Variants in VWA3B observed in about 807,000 individuals in gnomAD.
VWA3B encodes the protein von Willebrand factor A domain containing 3B.
In VWA3B, 138 loss-of-function variants were observed where a neutral mutation model predicts 158.3. The ratio of observed to expected loss-of-function variants is 0.87; its 90% confidence interval spans 0.76 to 1.00. VWA3B has a LOEUF of 1.00. VWA3B is among the 50% of genes least tolerant of loss of function. The probability of loss-of-function intolerance (pLI) is 0.00; values close to 1 mark genes in which losing one functional copy is unlikely to be tolerated. For synonymous variants in VWA3B, 596 were observed against 587.3 expected (o/e 1.01, Z -0.21); for missense variants, 1,555 against 1,565.1 (o/e 0.99, Z 0.11).
intron 7 of VWA3B, among the ~76,000 whole-genome samples, chr2:98,161,163 A>G (rs1221306573): frequency 6.6e-6 from 1 of 152,156 alleles, no homozygotes; most frequent in Non-Finnish European, 1.5e-5. Flanking sequence ...AGTGGGAGGA[A>G]GGGGCTTTTC....
chr2:98,275,429 G>C (rs1006812339), intron 22 of VWA3B, among the ~76,000 whole-genome samples: 2 of 152,130 alleles, frequency 1.3e-5, no homozygotes, highest in Admixed American at 6.5e-5. Flanking sequence ...AGGAGGAGGA[G>C]AGAGTAGAAG....
At chr2:98,287,492 T>C (rs1558763610) in intron 22 of VWA3B, among the ~76,000 whole-genome samples, 1 of 152,200 alleles carries the variant, frequency 6.6e-6, no homozygotes, top group Admixed American at 6.5e-5. Context: ...CTATTCTGGA[T>C]GATGGAATGA....
the VWA3B span, among the ~76,000 whole-genome samples, chr2:98,330,222 C>T: frequency 2.0e-5 from 3 of 152,248 alleles, 1 homozygote; most frequent in Admixed American, 1.3e-4. Flanking sequence ...ATTTCCAGCC[C>T]CCAGCCTCCA....
chr2:98,195,455 GAA>G (rs1249376885), intron 12 of VWA3B, among the ~76,000 whole-genome samples: 30 of 152,150 alleles, frequency 2.0e-4, no homozygotes, highest in South Asian at 4.1e-4. Context: ...TGTTCTATAA[GAA>G]ATAATAATGC....
At position 98,215,808 on chromosome 2, in the gene VWA3B, G is replaced by A. The variant is rs182302342; in HGVS notation, c.1837-2038G>A. Among the ~76,000 whole-genome samples, 432 of 152,224 alleles carry A rather than the reference G, an allele frequency of 2.8e-3. 5 individuals carry two copies. Among genetic ancestry groups the A allele is most frequent in the South Asian group, 0.013 (63 of 4,818 alleles). On this transcript the variant is annotated intron_variant, in intron 13 of 27. Transcript: ENST00000477737. ...TGGGATTAAAGGTGTGAGCCACCGC[G>A]CCCAGCCAATTTAGAAACTCTTGAG...
chr2:98,158,179 TAAA>T (rs1171528927), intron 7 of VWA3B, among the ~76,000 whole-genome samples: 1 of 151,132 alleles, frequency 6.6e-6, no homozygotes, highest in Non-Finnish European at 1.5e-5. Flanking sequence ...TAAGGAAAAA[TAAA>T]AAAGGAGGAC....
intron 7 of VWA3B, among the ~76,000 whole-genome samples, chr2:98,152,916 T>C (rs1452196919): frequency 6.6e-6 from 1 of 152,216 alleles, no homozygotes; most frequent in Non-Finnish European, 1.5e-5. Context: ...ACATTGCAAA[T>C]GGTGCATATT....
chr2:98,274,363 G>A (rs1688392405), intron 22 of VWA3B, among the ~76,000 whole-genome samples: 1 of 152,180 alleles, frequency 6.6e-6, no homozygotes. Context: ...AACCCTTACA[G>A]CCTTTCACTG....
chr2:98,227,692 A>G (rs908618102), intron 14 of VWA3B, among the ~76,000 whole-genome samples: 1 of 152,200 alleles, frequency 6.6e-6, no homozygotes, highest in African/African-American at 2.4e-5. Context: ...GAAAACTGAA[A>G]CTAATGTGTA....
At chr2:98,144,879 T>C (rs1294219708) in intron 7 of VWA3B, among the ~76,000 whole-genome samples, 1 of 152,228 alleles carries the variant, frequency 6.6e-6, no homozygotes, top group African/African-American at 2.4e-5. Context: ...AGTTTTCGAA[T>C]GTCCTTTTCT....
At chr2:98,134,573 G>C (rs1460834942) in intron 7 of VWA3B, among the ~76,000 whole-genome samples, 1 of 152,088 alleles carries the variant, frequency 6.6e-6, no homozygotes, top group East Asian at 1.9e-4. Flanking sequence ...ATTGCAAAGT[G>C]CTGAAGACTG....
chr2:98,119,699 C>T lies in VWA3B; in HGVS notation c.478C>T (p.Arg160Ter), dbSNP rs918391411. 22 of 1,613,872 alleles carry T rather than the reference C, an allele frequency of 1.4e-5. No homozygotes were observed. The highest frequency in any genetic ancestry group is 1.3e-5 in the African/African-American group (1 of 74,934). Residue 160 changes from arginine (R) to a stop codon, truncating the protein, a stop_gained, in exon 4 of 28, where the codon CGA becomes TGA. Coordinates refer to ENST00000477737, the MANE Select transcript of VWA3B (RefSeq NM_144992.5). LOFTEE classifies it high-confidence loss of function. ...GILEGELDLC[R>*]EALTMVLQEQ... is the part of the protein sequence containing the mutation. ...TCTGGAGGGGGAGCTTGATCTGTGC[C>T]GAGAGGCTCTAACAATGGTTCTCCA...
Position 98,234,633 on chromosome 2 carries a change from C to A in VWA3B, c.2309-15C>A. On this transcript the variant is annotated splice_polypyrimidine_tract_variant and intron_variant, in intron 16 of 27. Coordinates refer to ENST00000477737, the MANE Select transcript of VWA3B (RefSeq NM_144992.5). ...TCCCCAATTCCTTTAACTCTTCCCT[C>A]TGTGATACCAACAGAATCAACCAAA... The A allele has an allele frequency of 6.2e-7, 1 of 1,614,136 alleles. No individual in the cohort carries two copies. The highest frequency in any genetic ancestry group is 2.2e-5 in the East Asian group (1 of 44,880).
intron 26 of VWA3B, among the ~76,000 whole-genome samples, chr2:98,308,389 G>A (rs1690662513): frequency 6.6e-6 from 1 of 152,218 alleles, no homozygotes; most frequent in African/African-American, 2.4e-5. Flanking sequence ...ACATTCCATG[G>A]CATCAGAGAT....
At chr2:98,238,701 A>G (rs1685870347) in intron 19 of VWA3B, among the ~76,000 whole-genome samples, 1 of 152,234 alleles carries the variant, frequency 6.6e-6, no homozygotes, top group Admixed American at 6.5e-5. Flanking sequence ...AAATAAAATG[A>G]AGACAAATCT....
At chr2:98,171,019 T>C (rs1679539577) in intron 8 of VWA3B, among the ~76,000 whole-genome samples, 2 of 152,372 alleles carry the variant, frequency 1.3e-5, no homozygotes, top group African/African-American at 4.8e-5. Flanking sequence ...TGATAATACC[T>C]ACTCCACGGA....
chr2:98,216,654 G>T, intron 13 of VWA3B: 1 of 466,114 alleles, frequency 2.1e-6, no homozygotes. Flanking sequence ...CAGAGGGAAT[G>T]GGGAAAGTGG....
chr2:98,245,434 T>C (rs1558720379), intron 19 of VWA3B: 14 of 398,818 alleles, frequency 3.5e-5, no homozygotes, highest in South Asian at 2.2e-4. Context: ...CACCATGTTG[T>C]AAAAACTAAG....
rs151299376 is a variant in VWA3B, at chr2:98,259,582, G to T, written c.2843+3408G>T. Among the ~76,000 whole-genome samples the T allele has an allele frequency of 1.3e-3, 193 of 151,738 alleles. 3 individuals are homozygous for T. The highest frequency in any genetic ancestry group is 1.3e-4 in the Non-Finnish European group (9 of 67,708). ...ATTTTTATTTTTGTAAGCTGAATTA[G>T]TAATGTGCCTGCTTTCACTTCTGAT... is the stretch of plus-strand genomic sequence containing the variant. On this transcript the variant is annotated intron_variant, in intron 21 of 27. Coordinates refer to ENST00000477737, the MANE Select transcript of VWA3B (RefSeq NM_144992.5).
Sources: gnomAD v4.1 joint callset for allele counts (sites outside exome capture counted in the v4.1 genomes callset) on GRCh38, gnomAD v4.1.1 for gene constraint, MANE v1.5 for transcripts, NCBI Gene and HGNC (gene_info 2026-07-23, HGNC 2026-07-21) for gene names.